The following DPP6 variants were observed in gnomAD, a reference collection of about 807,000 sequenced individuals.
DPP6 encodes the protein A-type potassium channel modulatory protein DPP6.
DPP6 carries 69 observed loss-of-function variants against 122.6 expected under a neutral mutation model. The ratio of observed to expected loss-of-function variants is 0.56; its 90% confidence interval spans 0.46 to 0.69. The LOEUF is 0.69. Among genes scored for constraint, DPP6 ranks in the 30% least tolerant of loss-of-function variants. DPP6 has a pLI of 0.00. For missense variants in DPP6, 928 were observed against 1,116.9 expected, an observed-to-expected ratio of 0.83 and a Z score of 2.41; for synonymous variants, 418 against 433.1, an observed-to-expected ratio of 0.97 and a Z score of 0.43.
At chr7:154,196,768 C>G (rs1585605844) in intron 1 of DPP6, among the ~76,000 whole-genome samples, 1 of 152,290 alleles carries the variant, frequency 6.6e-6, no homozygotes, top group Admixed American at 6.5e-5. Context: ...AGCCTTCACC[C>G]TTTCAGGACC....
At position 153,912,303 on chromosome 7, in the gene DPP6, G is replaced by A. The variant is rs543387156; in HGVS notation, c.51+24569G>A. Reference sequence around the variant, plus strand: ...CACTCAAATAAAACGAACTGGAACCGTCGCAAAGGATGCAGAGGAGGTGGC... The same window carrying A: ...CACTCAAATAAAACGAACTGGAACCATCGCAAAGGATGCAGAGGAGGTGGC... On this transcript the variant is annotated intron_variant, in intron 1 of 25. Transcript: ENST00000404039. Among the ~76,000 whole-genome samples the A allele has an allele frequency of 2.8e-4, 43 of 152,294 alleles. 1 individual carries two copies. In the South Asian group the frequency reaches 6.8e-3, roughly 24 times the overall value.
rs574119616 is a variant in DPP6, at chr7:154,484,079, A to G, written c.457+9042A>G. On this transcript the variant is annotated intron_variant, in intron 3 of 25. Transcript: ENST00000377770. ...GCCAACTGGCTTTGTCTCCTTGAGGATTCTTTAGGCCTTTTAACTTACTTT... is the reference window on the plus strand; with the variant it reads ...GCCAACTGGCTTTGTCTCCTTGAGGGTTCTTTAGGCCTTTTAACTTACTTT... Among the ~76,000 whole-genome samples, 16 of 151,818 alleles carry G rather than the reference A, an allele frequency of 1.1e-4. No individual in the cohort carries two copies. In the South Asian group the frequency reaches 3.3e-3, roughly 32 times the overall value.
the DPP6 span, among the ~76,000 whole-genome samples, chr7:153,811,342 C>A: frequency 3.3e-5 from 5 of 152,094 alleles, no homozygotes; most frequent in African/African-American, 1.2e-4. Flanking sequence ...GAATATGGCC[C>A]ATTAAATGAA....
intron 16 of DPP6, among the ~76,000 whole-genome samples, chr7:154,818,353 G>T (rs1219537772): frequency 6.6e-6 from 1 of 152,138 alleles, no homozygotes; most frequent in African/African-American, 2.4e-5. Context: ...TTCCAGAGTG[G>T]CTCAGGGGTG....
At chr7:154,324,867 A>ATTTTTTTTTTTTTTTTTTTTTTTTTTT (rs143944650) in intron 1 of DPP6, among the ~76,000 whole-genome samples, 1 of 113,090 alleles carries the variant, frequency 8.8e-6, no homozygotes, top group Non-Finnish European at 1.7e-5. Flanking sequence ...TCCTTTTGTT[A>ATTTTTTTTTTTTTTTTTTTTTTTTTTT]TTTTTTTTTT....
intron 1 of DPP6, among the ~76,000 whole-genome samples, chr7:154,402,986 A>G (rs1381251927): frequency 6.6e-6 from 1 of 152,220 alleles, no homozygotes; most frequent in Non-Finnish European, 1.5e-5. Flanking sequence ...TCTTAGTCTC[A>G]GAGGGATTTA....
intron 7 of DPP6, among the ~76,000 whole-genome samples, chr7:154,674,904 C>T (rs1838792552): frequency 6.6e-6 from 1 of 152,164 alleles, no homozygotes; most frequent in African/African-American, 2.4e-5. Flanking sequence ...CATCTCCAGA[C>T]CAAGAGAGGC....
rs548395952 is a variant in DPP6 at position 153,954,655 on chromosome 7, G to A, written c.51+66921G>A. On this transcript the variant is annotated intron_variant, in intron 1 of 25. Transcript: ENST00000404039. The stretch of plus-strand genomic sequence containing the variant: ...AATAAAGCAGGTTACCCTCCATCAT[G>A]TGGGTGGGCCTCATCCAATCAGTTG... 7.2e-5 allele frequency among the ~76,000 whole-genome samples: 11 copies of A among 152,306 alleles called. No homozygotes were observed. The South Asian group carries it at 2.3e-3, about 32-fold the overall frequency.
At chr7:154,832,882 A>G (rs1413737268) in intron 16 of DPP6, among the ~76,000 whole-genome samples, 2 of 152,210 alleles carry the variant, frequency 1.3e-5, no homozygotes, top group African/African-American at 2.4e-5. Flanking sequence ...CACACACCAC[A>G]TCGCCACTGC....
chr7:154,799,536 T>A (rs1798230876), intron 12 of DPP6, among the ~76,000 whole-genome samples: 1 of 152,208 alleles, frequency 6.6e-6, no homozygotes, highest in Non-Finnish European at 1.5e-5. Context: ...TTTCTGACTG[T>A]CTTTATTCTT....
rs564198510 is a variant in DPP6, at chr7:154,305,790, C to A, written c.244-140424C>A. 7.9e-5 allele frequency among the ~76,000 whole-genome samples: 12 copies of A among 152,122 alleles called. No individual in the cohort carries two copies. The East Asian group carries it at 2.1e-3, about 27-fold the overall frequency. ...CTCCCTGGCTTCTCTCTCTAAAGGG[C>A]GCCCTGGCTTGATGATTAAGGTACA... On this transcript the variant is annotated intron_variant, in intron 1 of 25. Transcript: ENST00000377770.
chr7:153,958,058 G>A (rs1795147139), intron 1 of DPP6, among the ~76,000 whole-genome samples: 1 of 152,114 alleles, frequency 6.6e-6, no homozygotes, highest in Admixed American at 6.5e-5. Context: ...CAGCTACCCA[G>A]GAGGCTAAGG....
At chr7:154,291,468 C>G (rs1805206672) in intron 1 of DPP6, among the ~76,000 whole-genome samples, 1 of 152,196 alleles carries the variant, frequency 6.6e-6, no homozygotes, top group Non-Finnish European at 1.5e-5. Flanking sequence ...CTTCTTGCTT[C>G]TTAACAACTG....
chr7:153,824,823 G>A, the DPP6 span, among the ~76,000 whole-genome samples: 10 of 152,124 alleles, frequency 6.6e-5, no homozygotes, highest in African/African-American at 2.4e-4. Context: ...TTGGCAATAC[G>A]ATTCCTCAAA....
chr7:154,497,319 T>G (rs1481735224), intron 3 of DPP6, among the ~76,000 whole-genome samples: 1 of 152,072 alleles, frequency 6.6e-6, no homozygotes, highest in Non-Finnish European at 1.5e-5. Context: ...GAAAAAGAAC[T>G]AGGACAGGCT....
At chr7:153,977,198 G>GGTGTGTGTGT (rs55750679) in intron 1 of DPP6, among the ~76,000 whole-genome samples, 5,505 of 149,628 alleles carry the variant, frequency 0.037, 135 homozygotes, top group South Asian at 0.062. Context: ...TACCAATAGG[G>GGTGTGTGTGT]GTGTGTGTGT....
At chr7:154,331,219 C>G (rs1452046141) in intron 1 of DPP6, among the ~76,000 whole-genome samples, 1 of 152,238 alleles carries the variant, frequency 6.6e-6, no homozygotes, top group Non-Finnish European at 1.5e-5. Flanking sequence ...AGAGAGACGA[C>G]ATTGGCAATT....
chr7:154,512,274 A>G (rs778951686), intron 3 of DPP6, among the ~76,000 whole-genome samples: 5 of 152,248 alleles, frequency 3.3e-5, no homozygotes, highest in Admixed American at 6.5e-5. Flanking sequence ...ATCCTGTCAC[A>G]GAAATGATTA....
chr7:153,835,962 A>G, the DPP6 span, among the ~76,000 whole-genome samples: 1 of 152,216 alleles, frequency 6.6e-6, no homozygotes, highest in Admixed American at 6.5e-5. Context: ...ATAAAGGTCA[A>G]AAAGATGGAT....
Sources: allele counts gnomAD v4.1 joint callset (sites outside exome capture counted in the v4.1 genomes callset), GRCh38; gene constraint gnomAD v4.1.1; transcripts MANE v1.5; gene names NCBI Gene and HGNC (gene_info 2026-07-23, HGNC 2026-07-21).